The following MALRD1 variants were observed in gnomAD, a reference collection of about 807,000 sequenced individuals.
MALRD1 encodes MAM and LDL-receptor class A domain-containing protein 1.
In MALRD1, 247 loss-of-function variants were observed where a neutral mutation model predicts 242.1. That is an observed-to-expected ratio of 1.02 (90% CI 0.92 to 1.13). The LOEUF (loss-of-function observed/expected upper bound fraction) is 1.13, where lower values mean the gene tolerates loss of function less well. Ranked by LOEUF, MALRD1 falls within the 50% of genes most tolerant of loss-of-function variation. MALRD1 has a pLI of 0.00. For missense variants in MALRD1, 2,989 were observed against 2,533.1 expected (o/e 1.18, Z -3.86); for synonymous variants, 995 against 866.6 (o/e 1.15, Z -2.60).
intron 14 of MALRD1, among the ~76,000 whole-genome samples, chr10:19,179,369 G>T (rs78355444): frequency 0.019 from 2,851 of 152,276 alleles, 109 homozygotes; most frequent in East Asian, 0.18. Context: ...GGTAGATCTG[G>T]CTGGGTGCAG....
At chr10:19,072,024 C>A (rs6481737) in intron 2 of MALRD1, among the ~76,000 whole-genome samples, 80,938 of 151,948 alleles carry the variant, frequency 0.53, 21,662 homozygotes, top group Middle Eastern at 0.61. Context: ...ATAGAGACAT[C>A]AACCGTATAC....
At chr10:19,618,196 G>GT (rs2131616005) in intron 36 of MALRD1, among the ~76,000 whole-genome samples, 1 of 152,134 alleles carries the variant, frequency 6.6e-6, no homozygotes, top group East Asian at 1.9e-4. Context: ...GTATTCCATG[G>GT]TATATATGTA....
intron 5 of MALRD1, among the ~76,000 whole-genome samples, chr10:19,105,150 T>C (rs917728994): frequency 1.3e-5 from 2 of 152,020 alleles, no homozygotes; most frequent in African/African-American, 2.4e-5. Context: ...ATTGACCAGT[T>C]TCTATACACA....
intron 36 of MALRD1, among the ~76,000 whole-genome samples, chr10:19,664,138 T>A (rs1841567905): frequency 6.6e-6 from 1 of 152,004 alleles, no homozygotes; most frequent in African/African-American, 2.4e-5. Flanking sequence ...AGGGTTTTTT[T>A]TTTCTTGTGA....
intron 14 of MALRD1, among the ~76,000 whole-genome samples, chr10:19,192,119 T>C (rs1452394060): frequency 2.6e-5 from 4 of 151,636 alleles, no homozygotes; most frequent in Non-Finnish European, 4.4e-5. Flanking sequence ...TTATCCGAGG[T>C]ATAGTGAATA....
In MALRD1 at chr10:19,205,250, G is replaced by C. The variant is rs1390924811; in HGVS notation, c.2563G>C (p.Asp855His). 6.5e-7 allele frequency: 1 copy of C among 1,548,516 alleles called. No homozygotes were observed. Among genetic ancestry groups the C allele is most frequent in the Non-Finnish European group, 8.7e-7 (1 of 1,145,938 alleles). Residue 855 changes from aspartate to histidine, a missense_variant, in exon 17 of 40, where the codon GAT (aspartate) becomes CAT (histidine). By Grantham distance (81) the Asp-to-His change is moderately conservative (BLOSUM62 -1). Coordinates refer to ENST00000454679, the MANE Select transcript of MALRD1 (RefSeq NM_001142308.3). ...DLVDDCGDRT[D>H]EVNCAPELQC... is the part of the protein sequence containing the mutation. The stretch of plus-strand genomic sequence containing the variant: ...GGTGGATGACTGTGGTGATCGTACT[G>C]ATGAAGTCAACTGTGGTAAGTTCTT...
intron 34 of MALRD1, 104 bp from the exon 35 acceptor site, chr10:19,607,673 A>G: frequency 7.5e-7 from 1 of 1,339,096 alleles, no homozygotes; most frequent in Non-Finnish European, 9.8e-7. Context: ...GAAAAAATCA[A>G]GAGTAATATA....
intron 31 of MALRD1, among the ~76,000 whole-genome samples, chr10:19,510,490 G>C (rs983613231): frequency 2.6e-5 from 4 of 152,194 alleles, no homozygotes; most frequent in Admixed American, 1.3e-4. Context: ...ATGTCCCTGG[G>C]TACTTGAGAG....
At chr10:19,127,894 A>G (rs1837332083) in intron 7 of MALRD1, among the ~76,000 whole-genome samples, 1 of 152,142 alleles carries the variant, frequency 6.6e-6, no homozygotes, top group African/African-American at 2.4e-5. Flanking sequence ...TTGAATTGTG[A>G]TATTTAAAAG....
intron 29 of MALRD1, 74 bp downstream of exon 29, chr10:19,450,564 T>C: frequency 8.0e-7 from 1 of 1,242,570 alleles, no homozygotes; most frequent in Non-Finnish European, 1.1e-6. Context: ...TACACAAGTT[T>C]ACAATGCTTT....
chr10:19,724,712 A>G (rs1299742872), intron 38 of MALRD1, among the ~76,000 whole-genome samples: 3 of 152,248 alleles, frequency 2.0e-5, no homozygotes, highest in Admixed American at 6.5e-5. Flanking sequence ...GTAGTTATCA[A>G]AAATAAACTT....
At chr10:19,355,851 ATATATAT>A (rs1437358262) in intron 26 of MALRD1, among the ~76,000 whole-genome samples, 2 of 52,732 alleles carry the variant, frequency 3.8e-5, no homozygotes, top group East Asian at 3.6e-4. Context: ...TATTATATAT[ATATATAT>A]TATATATGAT....
chr10:19,103,927 A>T, intron 4 of MALRD1, 52 bp from the exon 5 acceptor site: 2 of 1,059,588 alleles, frequency 1.9e-6, no homozygotes, highest in Non-Finnish European at 2.4e-6. Context: ...TGAGACAGTG[A>T]TGTTCCTTGC....
At chr10:19,235,578 CAGAGAGAGAGAG>C (rs34117417) in intron 18 of MALRD1, among the ~76,000 whole-genome samples, 154 of 132,450 alleles carry the variant, frequency 1.2e-3, no homozygotes, top group African/African-American at 2.5e-3. Context: ...CCCACACCCA[CAGAGAGAGAGAG>C]AGAGAGAGAG....
chr10:19,056,205 T>G (rs1834661776), intron 1 of MALRD1, among the ~76,000 whole-genome samples: 1 of 150,716 alleles, frequency 6.6e-6, no homozygotes, highest in Admixed American at 6.6e-5. Context: ...TGGATTTAAG[T>G]TTTTTTTTCT....
At chr10:19,599,081 G>A (rs1247896934) in intron 34 of MALRD1, among the ~76,000 whole-genome samples, 1 of 152,062 alleles carries the variant, frequency 6.6e-6, no homozygotes, top group African/African-American at 2.4e-5. Flanking sequence ...AGAGCAAATG[G>A]GAAATGTCGA....
intron 32 of MALRD1, among the ~76,000 whole-genome samples, chr10:19,566,001 C>T (rs1056938696): frequency 6.6e-6 from 1 of 152,106 alleles, no homozygotes; most frequent in African/African-American, 2.4e-5. Flanking sequence ...GGGACACTAG[C>T]AGCATTCTTA....
chr10:19,646,369 C>T lies in MALRD1; in HGVS notation c.6137+30446C>T, dbSNP rs189233245. Among the ~76,000 whole-genome samples, 111 of 152,206 alleles carry T rather than the reference C, an allele frequency of 7.3e-4. No homozygotes were observed. The East Asian group carries it at 0.019, about 26-fold the overall frequency. ...CTATAATGGCAGCACTTCGGGAGGCCGAGGGGGGCAGATCACCTGAGGCCA... is the reference window on the plus strand; with the variant it reads ...CTATAATGGCAGCACTTCGGGAGGCTGAGGGGGGCAGATCACCTGAGGCCA... On this transcript the variant is annotated intron_variant, in intron 36 of 39. Coordinates refer to ENST00000454679, the MANE Select transcript of MALRD1 (RefSeq NM_001142308.3).
intron 12 of MALRD1, among the ~76,000 whole-genome samples, chr10:19,163,307 G>A (rs1422019196): frequency 6.6e-6 from 1 of 151,860 alleles, no homozygotes. Flanking sequence ...TATGTACTGC[G>A]GAATATGCAG....
Sources: gnomAD v4.1 joint callset for allele counts (sites outside exome capture counted in the v4.1 genomes callset) on GRCh38, gnomAD v4.1.1 for gene constraint, MANE v1.5 for transcripts, NCBI Gene and HGNC (gene_info 2026-07-23, HGNC 2026-07-21) for gene names.